Variants in SYNJ2 observed in about 807,000 individuals in gnomAD.
The protein encoded by SYNJ2 is synaptojanin 2.
In SYNJ2, 116 loss-of-function variants were observed where a neutral mutation model predicts 141.3. The ratio of observed to expected loss-of-function variants is 0.82; its 90% confidence interval spans 0.71 to 0.96. The LOEUF (loss-of-function observed/expected upper bound fraction) is 0.96, where lower values mean the gene tolerates loss of function less well. SYNJ2 is among the 40% of genes least tolerant of loss of function. SYNJ2 has a pLI of 0.00. For missense variants in SYNJ2, 1,873 were observed against 1,934.8 expected (o/e 0.97, Z 0.60); for synonymous variants, 745 against 777.7 (o/e 0.96, Z 0.70).
rs904614076 is a variant in SYNJ2 at position 158,068,015 on chromosome 6, T to G, written c.1718-632T>G. 1.6e-5 allele frequency: 16 copies of G among 984,456 alleles called. No homozygotes were observed. The East Asian group carries it at 4.5e-4, about 28-fold the overall frequency. The allele number at this position is 984,456 out of a possible 1,614,324, so 61.0% of individuals were successfully genotyped here. A position where few individuals can be genotyped will look rare whatever the true frequency, so the allele number is the denominator to read the frequency against. ...GCTGGTATTTTGCAGGGGATTTTTT[T>G]GGGGTAGACACTAGCAGGCTCCCCA... On this transcript the variant is annotated intron_variant, in intron 12 of 26. Transcript: ENST00000355585.
At chr6:158,055,848 C>G (rs544053193) in intron 6 of SYNJ2, among the ~76,000 whole-genome samples, 2 of 152,140 alleles carry the variant, frequency 1.3e-5, no homozygotes, top group African/African-American at 4.8e-5. Context: ...ACATGTAATG[C>G]GCTTTTCTTT....
intron 1 of SYNJ2, among the ~76,000 whole-genome samples, chr6:157,989,387 C>T (rs1777323643): frequency 7.5e-6 from 1 of 133,890 alleles, no homozygotes; most frequent in Non-Finnish European, 1.6e-5. Flanking sequence ...CTCCAGAGAA[C>T]AATATGTTCA....
At chr6:158,064,222 G>C (rs1054038308) in intron 9 of SYNJ2, among the ~76,000 whole-genome samples, 1 of 152,154 alleles carries the variant, frequency 6.6e-6, no homozygotes, top group Admixed American at 6.5e-5. Flanking sequence ...TTTGAAGCTG[G>C]GGAGGGAGAC....
Position 158,076,871 on chromosome 6 carries a change from T to C in SYNJ2, c.2449+89T>C, listed in dbSNP as rs1281181966. On this transcript the variant is annotated intron_variant, in intron 17 of 26. Transcript: ENST00000355585. Reference sequence around the variant, plus strand: ...GTCACGTTTACCCAACCCCAGGCGCTGCTACATAAATCAGTTTCTTCATAA... The same window carrying C: ...GTCACGTTTACCCAACCCCAGGCGCCGCTACATAAATCAGTTTCTTCATAA... 6 of 1,441,496 alleles carry C rather than the reference T, an allele frequency of 4.2e-6. No homozygotes were observed. The East Asian group carries it at 1.5e-4, about 35-fold the overall frequency. 89.3% of individuals were successfully genotyped at this position (1,441,496 alleles called of 1,614,324 possible).
At chr6:158,086,082 T>C (rs1178316625) in intron 22 of SYNJ2, among the ~76,000 whole-genome samples, 2 of 152,176 alleles carry the variant, frequency 1.3e-5, no homozygotes, top group Admixed American at 6.5e-5. Flanking sequence ...GGGTCTTCCC[T>C]TGATGCTGTG....
At position 158,095,877 on chromosome 6, in the gene SYNJ2, G is replaced by C. The variant is rs1468738115; in HGVS notation, c.4004G>C (p.Arg1335Thr). The change falls in exon 27 of 27, where the codon AGG (arginine) becomes ACG (threonine). Residue 1335 changes from arginine (R) to threonine (T), a missense_variant. Arg to Thr is a moderately conservative substitution (Grantham distance 71). Coordinates refer to ENST00000355585, the MANE Select transcript of SYNJ2 (RefSeq NM_003898.4). ...CCTCTTGTGCCCAAGGTACCCCCGAGGAGGAAGAAGTCAGCCCCCGCAGCC... is the reference window on the plus strand; with the variant it reads ...CCTCTTGTGCCCAAGGTACCCCCGACGAGGAAGAAGTCAGCCCCCGCAGCC... ...APPLVPKVPP[R>T]RKKSAPAAFH... 6.2e-7 allele frequency: 1 copy of C among 1,614,116 alleles called. No homozygotes were observed.
At chr6:158,086,686 C>T (rs1783053931) in intron 22 of SYNJ2, among the ~76,000 whole-genome samples, 169 bp from the exon 23 acceptor site, 1 of 150,696 alleles carries the variant, frequency 6.6e-6, no homozygotes, top group Non-Finnish European at 1.5e-5. Flanking sequence ...GGGTGCCCTC[C>T]CCGCCCCCGC....
At position 158,097,782 on chromosome 6, in the gene SYNJ2, A is replaced by C. The variant is rs1192742609; in HGVS notation, c.*1418A>C. The C allele has an allele frequency of 6.6e-6, 1 of 152,168 alleles. No individual in the cohort carries two copies. The highest frequency in any genetic ancestry group is 2.4e-5 in the African/African-American group (1 of 41,432). 9.4% of individuals were successfully genotyped at this position (152,168 alleles called of 1,614,324 possible). A position where few individuals can be genotyped will look rare whatever the true frequency, so the allele number is the denominator to read the frequency against. On this transcript the variant is annotated 3_prime_UTR_variant, in exon 27 of 27. Coordinates refer to ENST00000355585, the MANE Select transcript of SYNJ2 (RefSeq NM_003898.4). ...TATTGCAGATTACTTAAATATGGCC[A>C]TCAAAACAAAAGTTACAACACGTAT... is the stretch of plus-strand genomic sequence containing the variant.
intron 1 of SYNJ2, among the ~76,000 whole-genome samples, chr6:158,012,443 A>T (rs1778301948): frequency 6.6e-6 from 1 of 152,154 alleles, no homozygotes; most frequent in Admixed American, 6.5e-5. Context: ...GAGGGATCCG[A>T]TTGCCGCGAT....
chr6:158,094,873 C>T (rs959063990), intron 26 of SYNJ2, among the ~76,000 whole-genome samples: 1 of 152,178 alleles, frequency 6.6e-6, no homozygotes. Context: ...AGGAGCTGGG[C>T]GCGGTGGCTC....
rs138991150 is a variant in SYNJ2 at position 158,028,159 on chromosome 6, G to T, written c.215-597G>T. 8.6e-3 allele frequency: 1,341 copies of T among 155,432 alleles called. 21 individuals are homozygous for T. The highest frequency in any genetic ancestry group is 0.031 in the African/African-American group (1,270 of 41,540). The allele number at this position is 155,432 out of a possible 1,614,324, so 9.6% of individuals were successfully genotyped here. A position where few individuals can be genotyped will look rare whatever the true frequency, so the allele number is the denominator to read the frequency against. On this transcript the variant is annotated intron_variant, in intron 2 of 26. Coordinates refer to ENST00000355585, the MANE Select transcript of SYNJ2 (RefSeq NM_003898.4). ...GGTGTCTGCCCACGTGTGGGGCAGG[G>T]ATGGGCTGCAGCGGGGAGGGATTTG... is the stretch of plus-strand genomic sequence containing the variant.
Position 158,070,611 on chromosome 6 carries a change from G to A in SYNJ2, c.1940+938G>A, listed in dbSNP as rs1023912028. ...CAGGTTTCCCAGGCTCGGTGTCCTC[G>A]GCTTCACGTGCCTTTAGCCCTGAGC... On this transcript the variant is annotated intron_variant, in intron 14 of 26. Coordinates refer to ENST00000355585, the MANE Select transcript of SYNJ2 (RefSeq NM_003898.4). This position sits in a 1 kb window ranked among gnomAD's most constrained non-coding sequence, Gnocchi z 4.0. The A allele has an allele frequency of 1.4e-5, 9 of 624,508 alleles. No individual in the cohort carries two copies. The highest frequency in any genetic ancestry group is 7.1e-5 in the South Asian group (1 of 14,032). 38.7% of individuals were successfully genotyped at this position (624,508 alleles called of 1,614,324 possible).
At chr6:158,094,246 G>A (rs896279579) in intron 26 of SYNJ2, among the ~76,000 whole-genome samples, 15 of 152,002 alleles carry the variant, frequency 9.9e-5, no homozygotes, top group African/African-American at 2.9e-4. Flanking sequence ...GATGCTCCTC[G>A]ACTTAAAATG....
chr6:157,984,909 A>G (rs1330908039), intron 1 of SYNJ2, among the ~76,000 whole-genome samples: 2 of 152,056 alleles, frequency 1.3e-5, no homozygotes. Context: ...CTGAGAGACA[A>G]GTTGTGGTAA....
chr6:158,071,937 G>C lies in SYNJ2; in HGVS notation c.2133+143G>C. 1.0e-6 allele frequency: 1 copy of C among 1,002,948 alleles called. No homozygotes were observed. Among genetic ancestry groups the C allele is most frequent in the Non-Finnish European group, 1.4e-6 (1 of 705,188 alleles). The allele number at this position is 1,002,948 out of a possible 1,614,324, so 62.1% of individuals were successfully genotyped here. On this transcript the variant is annotated intron_variant, in intron 15 of 26. Transcript: ENST00000355585. The surrounding 1 kb of genome is among the most constrained non-coding windows in gnomAD (Gnocchi z 4.3). ...CTCAGCGCTGGGGGAGGGGGAGAGG[G>C]CTATGTCCCTCCATGGAATTGACCT... is the stretch of plus-strand genomic sequence containing the variant.
Position 157,982,361 on chromosome 6 carries a change from C to T in SYNJ2, c.127+273C>T, listed in dbSNP as rs1006082808. On this transcript the variant is annotated intron_variant, in intron 1 of 26. Coordinates refer to ENST00000355585, the MANE Select transcript of SYNJ2 (RefSeq NM_003898.4). This position sits in a 1 kb window ranked among gnomAD's most constrained non-coding sequence, Gnocchi z 4.0. ...CCAGAGGATATGGTTGCTGGATAGCCGGCTGGGGCGCTTTGCGTATTCATG... is the reference window on the plus strand; with the variant it reads ...CCAGAGGATATGGTTGCTGGATAGCTGGCTGGGGCGCTTTGCGTATTCATG... 2.0e-5 allele frequency among the ~76,000 whole-genome samples: 3 copies of T among 152,212 alleles called. No individual in the cohort carries two copies. The highest frequency in any genetic ancestry group is 7.2e-5 in the African/African-American group (3 of 41,452).
At position 158,043,647 on chromosome 6, in the gene SYNJ2, A is replaced by G. The variant is rs113357489; in HGVS notation, c.795+248A>G. Among the ~76,000 whole-genome samples the G allele has an allele frequency of 0.015, 2,226 of 152,170 alleles. 58 individuals carry two copies. The highest frequency in any genetic ancestry group is 0.048 in the African/African-American group (1,974 of 41,506). Reference sequence around the variant, plus strand: ...CTGGTCGTCAAGGATGCTGTGTGAAACCGCTGACTCGGGAACGGTGCTGCG... The same window carrying G: ...CTGGTCGTCAAGGATGCTGTGTGAAGCCGCTGACTCGGGAACGGTGCTGCG... On this transcript the variant is annotated intron_variant, in intron 5 of 26. Transcript: ENST00000355585. This position sits in a 1 kb window ranked among gnomAD's most constrained non-coding sequence, Gnocchi z 4.0.
intron 1 of SYNJ2, among the ~76,000 whole-genome samples, chr6:157,989,912 G>GC (rs1035838825): frequency 1.2e-4 from 18 of 152,222 alleles, no homozygotes; most frequent in African/African-American, 4.3e-4. Context: ...CTTTTCTGGG[G>GC]GGGGCTAGGA....
intron 10 of SYNJ2, 37 bp from the exon 11 acceptor site, chr6:158,064,789 G>T: frequency 6.2e-7 from 1 of 1,611,452 alleles, no homozygotes; most frequent in Non-Finnish European, 8.5e-7. Flanking sequence ...GGGCCCCAGG[G>T]ACCCCCCTCA....
Sources: allele counts gnomAD v4.1 joint callset (sites outside exome capture counted in the v4.1 genomes callset), GRCh38; gene constraint gnomAD v4.1.1; non-coding constraint Gnocchi (gnomAD v3.1); transcripts MANE v1.5; gene names NCBI Gene and HGNC (gene_info 2026-07-23, HGNC 2026-07-21).